Variants in PRR16 observed in about 807,000 individuals in gnomAD.
PRR16 encodes protein Largen.
Under a neutral mutation model 18.2 loss-of-function variants are expected in PRR16, and 6 were observed. The observed-to-expected ratio is 0.33, with a 90% CI of 0.18 to 0.65. The LOEUF (loss-of-function observed/expected upper bound fraction) is 0.65. Ranked by LOEUF, PRR16 falls within the 30% of genes least tolerant of loss-of-function variation. The pLI, the probability that PRR16 is intolerant of heterozygous loss-of-function variation, is 0.74. For synonymous variants in PRR16, 151 were observed against 147.8 expected (o/e 1.02, Z -0.16); for missense variants, 412 against 376.6 (o/e 1.09, Z -0.78).
chr5:120,665,718 C>T (rs1242406821), intron 1 of PRR16, among the ~76,000 whole-genome samples: 1 of 152,136 alleles, frequency 6.6e-6, no homozygotes, highest in African/African-American at 2.4e-5. Flanking sequence ...ATAGGGAATC[C>T]TTCCCCCATT....
intron 1 of PRR16, among the ~76,000 whole-genome samples, chr5:120,620,178 G>A (rs2112819838): frequency 6.6e-6 from 1 of 152,218 alleles, no homozygotes; most frequent in Non-Finnish European, 1.5e-5. Flanking sequence ...CAGAACTTTT[G>A]CAAGATTGTG....
chr5:120,579,144 G>C (rs1013718149), intron 1 of PRR16, among the ~76,000 whole-genome samples: 1 of 151,896 alleles, frequency 6.6e-6, no homozygotes, highest in African/African-American at 2.4e-5. Flanking sequence ...GTAAATTCTG[G>C]ATATTATACT....
intron 1 of PRR16, among the ~76,000 whole-genome samples, chr5:120,542,752 G>A (rs1050317672): frequency 1.3e-5 from 2 of 152,162 alleles, no homozygotes; most frequent in Non-Finnish European, 2.9e-5. Context: ...TCCCCTTGCA[G>A]TATTGTGTAG....
the PRR16 span, among the ~76,000 whole-genome samples, chr5:120,794,101 C>T: frequency 1.3e-5 from 2 of 152,106 alleles, no homozygotes; most frequent in African/African-American, 4.8e-5. Context: ...TTCCTCCCAC[C>T]ACCAAGTCCA....
chr5:120,789,779 ATATT>A, the PRR16 span, among the ~76,000 whole-genome samples: 356 of 152,198 alleles, frequency 2.3e-3, 5 homozygotes, highest in African/African-American at 8.1e-3. Context: ...TTTAAATGGA[ATATT>A]TATTTAAAGT....
At position 120,627,494 on chromosome 5, in the gene PRR16, T is replaced by A. The variant is rs142752430; in HGVS notation, c.160-58460T>A. ...TTGAGACTGATGAATTATGATAGTCTTTGATGTGCTTCAGGCATCTACCAA... is the reference window on the plus strand; with the variant it reads ...TTGAGACTGATGAATTATGATAGTCATTGATGTGCTTCAGGCATCTACCAA... On this transcript the variant is annotated intron_variant, in intron 1 of 1. Coordinates refer to ENST00000407149, the MANE Select transcript of PRR16 (RefSeq NM_001300783.2). Among the ~76,000 whole-genome samples the A allele has an allele frequency of 3.3e-3, 508 of 152,192 alleles. 2 individuals are homozygous for A. The highest frequency in any genetic ancestry group is 0.012 in the African/African-American group (492 of 41,570).
At chr5:120,777,565 T>C in the PRR16 span, among the ~76,000 whole-genome samples, 1 of 152,018 alleles carries the variant, frequency 6.6e-6, no homozygotes, top group Non-Finnish European at 1.5e-5. Flanking sequence ...TTATGAAGCA[T>C]TTCTCCAGGT....
the PRR16 span, among the ~76,000 whole-genome samples, chr5:120,764,414 G>GATC: frequency 6.6e-6 from 1 of 151,712 alleles, no homozygotes; most frequent in Non-Finnish European, 1.5e-5. Context: ...AATCCCACTT[G>GATC]ATCATTATTT....
the PRR16 span, among the ~76,000 whole-genome samples, chr5:120,734,721 T>C: frequency 1.3e-5 from 2 of 152,218 alleles, no homozygotes; most frequent in Non-Finnish European, 2.9e-5. Context: ...TGTAGTCCTT[T>C]TATTTGTCTT....
intron 1 of PRR16, among the ~76,000 whole-genome samples, chr5:120,489,717 C>A: frequency 6.6e-6 from 1 of 152,066 alleles, no homozygotes; most frequent in East Asian, 1.9e-4. Flanking sequence ...GGTTAGTTTG[C>A]TCGTTAGTTG....
At chr5:120,624,099 G>A (rs750413116) in intron 1 of PRR16, among the ~76,000 whole-genome samples, 1 of 152,110 alleles carries the variant, frequency 6.6e-6, no homozygotes, top group Non-Finnish European at 1.5e-5. Context: ...TTTTTCCACA[G>A]AGGCTCTGCT....
At chr5:120,661,412 G>T (rs1295407699) in intron 1 of PRR16, among the ~76,000 whole-genome samples, 1 of 151,960 alleles carries the variant, frequency 6.6e-6, no homozygotes, top group Non-Finnish European at 1.5e-5. Flanking sequence ...AGTGGCAATT[G>T]TTTGCCAACA....
At chr5:120,562,449 A>G (rs1165862452) in intron 1 of PRR16, among the ~76,000 whole-genome samples, 1 of 151,908 alleles carries the variant, frequency 6.6e-6, no homozygotes, top group Non-Finnish European at 1.5e-5. Context: ...CTGTTTTTTT[A>G]TTGGAGAGTT....
In PRR16 at chr5:120,685,757, TATC is replaced by T. The variant is rs1757098052; in HGVS notation, c.160-194_160-192del. On this transcript the variant is annotated intron_variant, in intron 1 of 1. Coordinates refer to ENST00000407149, the MANE Select transcript of PRR16 (RefSeq NM_001300783.2). ...ATGTTCTAAGCATGTTAAATTATAT[TATC>T]ATACAGTTGGTCCTCTGTGTGATGG... Among the ~76,000 whole-genome samples the T allele has an allele frequency of 2.0e-5, 3 of 152,314 alleles. No homozygotes were observed. In the East Asian group the frequency reaches 5.8e-4, roughly 29 times the overall value.
chr5:120,515,866 G>C (rs1358345070), intron 1 of PRR16, among the ~76,000 whole-genome samples: 1 of 152,174 alleles, frequency 6.6e-6, no homozygotes, highest in Non-Finnish European at 1.5e-5. Context: ...GCTTTATTCA[G>C]TTGGAAGTTA....
At chr5:120,698,127 C>T in the PRR16 span, among the ~76,000 whole-genome samples, 1 of 151,914 alleles carries the variant, frequency 6.6e-6, no homozygotes, top group Non-Finnish European at 1.5e-5. Context: ...TATGGAGAGA[C>T]AGAGAATGGC....
chr5:120,760,253 G>C, the PRR16 span, among the ~76,000 whole-genome samples: 7 of 151,920 alleles, frequency 4.6e-5, no homozygotes, highest in African/African-American at 1.7e-4. Context: ...GATAAAAGTT[G>C]GGCATATCAG....
At chr5:120,684,108 C>T (rs771498630) in intron 1 of PRR16, among the ~76,000 whole-genome samples, 28 of 152,070 alleles carry the variant, frequency 1.8e-4, no homozygotes, top group Non-Finnish European at 3.8e-4. Context: ...TTCTCCTGAC[C>T]AGAAGGTGAG....
chr5:120,780,341 A>G, the PRR16 span, among the ~76,000 whole-genome samples: 1 of 152,200 alleles, frequency 6.6e-6, no homozygotes, highest in Non-Finnish European at 1.5e-5. Context: ...TTCCTGTAGA[A>G]GGAGTACTGT....
Sources: gnomAD v4.1 joint callset for allele counts (sites outside exome capture counted in the v4.1 genomes callset) on GRCh38, gnomAD v4.1.1 for gene constraint, MANE v1.5 for transcripts, NCBI Gene and HGNC (gene_info 2026-07-23, HGNC 2026-07-21) for gene names.